The following SLC38A9 variants were observed in gnomAD, a reference collection of about 807,000 sequenced individuals.
SLC38A9 encodes solute carrier family 38 member 9, also known as neutral amino acid transporter 9.
In SLC38A9, 48 loss-of-function variants were observed where a neutral mutation model predicts 62.3. The ratio of observed to expected loss-of-function variants is 0.77; its 90% CI spans 0.61 to 0.98. SLC38A9 has a LOEUF of 0.98. SLC38A9 is among the 50% of genes least tolerant of loss of function. The pLI, the probability that SLC38A9 is intolerant of heterozygous loss-of-function variation, is 0.00. For synonymous variants in SLC38A9, 204 were observed against 227.7 expected (o/e 0.90, Z 0.94); for missense variants, 541 against 679.8 (o/e 0.80, Z 2.27).
In SLC38A9 at chr5:55,672,662, A is replaced by G. The variant is rs376773305; in HGVS notation, c.147T>C (p.Asn49=). Residue 49 remains asparagine, a synonymous_variant, in exon 4 of 16, where the codon AAT becomes AAC. Coordinates refer to ENST00000396865, the MANE Select transcript of SLC38A9 (RefSeq NM_173514.4). The stretch of plus-strand genomic sequence containing the variant: ...TAACCCTCTGAATGACATGATTCAC[A>G]TTCACGATGTTTGTGGGCTCTATAC... ...PFCIEPTNIV[N]VNHVIQRVSD... 1.2e-6 allele frequency: 2 copies of G among 1,614,040 alleles called. No individual in the cohort carries two copies. The highest frequency in any genetic ancestry group is 2.7e-5 in the African/African-American group (2 of 74,930).
At chr5:55,659,728 A>T (rs35385158) in intron 8 of SLC38A9, among the ~76,000 whole-genome samples, 91,080 of 151,788 alleles carry the variant, frequency 0.6, 27,905 homozygotes, top group South Asian at 0.7. Context: ...ATTATTTAAA[A>T]AGGAAACACA....
intron 7 of SLC38A9, among the ~76,000 whole-genome samples, chr5:55,668,155 G>C (rs1275263824): frequency 6.7e-6 from 1 of 150,258 alleles, no homozygotes; most frequent in African/African-American, 2.4e-5. Context: ...CTGGGTGACA[G>C]TGAGATCCTG....
At chr5:55,639,272 T>TAAAAAAAAAAA (rs753043231) in intron 12 of SLC38A9, among the ~76,000 whole-genome samples, 1 of 54,642 alleles carries the variant, frequency 1.8e-5, no homozygotes, top group Non-Finnish European at 3.7e-5. Flanking sequence ...AAACTCTGTC[T>TAAAAAAAAAAA]AAAAAAAAAA....
At chr5:55,701,387 TA>T (rs1756625840) in intron 2 of SLC38A9, among the ~76,000 whole-genome samples, 1 of 152,218 alleles carries the variant, frequency 6.6e-6, no homozygotes, top group Non-Finnish European at 1.5e-5. Flanking sequence ...TTTCAGTTGA[TA>T]AAATCTCTTT....
intron 3 of SLC38A9, among the ~76,000 whole-genome samples, chr5:55,688,840 G>T (rs1754334265): frequency 6.6e-6 from 1 of 152,136 alleles, no homozygotes; most frequent in African/African-American, 2.4e-5. Context: ...TAATGAAATT[G>T]TATTTTAACA....
In SLC38A9 at chr5:55,634,658, A is replaced by C. The variant is rs532992418; in HGVS notation, c.1282-756T>G. On this transcript the variant is annotated intron_variant, in intron 13 of 15. Coordinates refer to ENST00000396865, the MANE Select transcript of SLC38A9 (RefSeq NM_173514.4). The stretch of plus-strand genomic sequence containing the variant: ...TCAAGGAAATCAAGAAAATAAGAAC[A>C]TTTCCAAGCTGCCATAATAGCAGTA... 4.6e-5 allele frequency: 7 copies of C among 152,306 alleles called. No homozygotes were observed. In the East Asian group the frequency reaches 9.6e-4, roughly 21 times the overall value. 9.4% of individuals were successfully genotyped at this position (152,306 alleles called of 1,614,324 possible).
At chr5:55,647,450 A>G (rs35553421) in intron 11 of SLC38A9, among the ~76,000 whole-genome samples, 90,440 of 151,998 alleles carry the variant, frequency 0.6, 27,581 homozygotes, top group South Asian at 0.7. Flanking sequence ...AAGTCCACTG[A>G]CTCTGCTATA....
chr5:55,662,847 T>G (rs11739411), intron 8 of SLC38A9, among the ~76,000 whole-genome samples: 37,822 of 151,748 alleles, frequency 0.25, 5,842 homozygotes, highest in South Asian at 0.41. Flanking sequence ...AATATTTTCT[T>G]TTTATAGGAA....
intron 7 of SLC38A9, among the ~76,000 whole-genome samples, chr5:55,666,417 T>C (rs1346226336): frequency 6.6e-6 from 1 of 152,214 alleles, no homozygotes; most frequent in Non-Finnish European, 1.5e-5. Context: ...ATCCCATGCT[T>C]TGAACTACTT....
intron 2 of SLC38A9, among the ~76,000 whole-genome samples, chr5:55,700,873 T>C (rs931796499): frequency 6.6e-6 from 1 of 152,190 alleles, no homozygotes; most frequent in Non-Finnish European, 1.5e-5. Context: ...TCCCTCCTCC[T>C]TCTCTGTCTC....
chr5:55,636,398 G>A (rs1253945980), intron 12 of SLC38A9, among the ~76,000 whole-genome samples: 1 of 152,198 alleles, frequency 6.6e-6, no homozygotes, highest in Non-Finnish European at 1.5e-5. Flanking sequence ...GTAGCCAGCT[G>A]TCAGATCCAA....
intron 10 of SLC38A9, among the ~76,000 whole-genome samples, chr5:55,650,101 T>C (rs1747119784): frequency 1.3e-5 from 2 of 152,038 alleles, no homozygotes; most frequent in African/African-American, 4.8e-5. Context: ...ATCAAAAGCA[T>C]ATTTGAGAAA....
intron 2 of SLC38A9, among the ~76,000 whole-genome samples, chr5:55,698,642 T>G (rs1580420883): frequency 1.3e-5 from 2 of 152,344 alleles, no homozygotes; most frequent in South Asian, 4.1e-4. Flanking sequence ...GAAGTCTTCT[T>G]AAAATGGACC....
At chr5:55,704,571 A>C (rs7702140) in intron 2 of SLC38A9, 1 of 25,440 alleles carries the variant, frequency 3.9e-5, no homozygotes, top group South Asian at 2.2e-3. Context: ...TAAAATTTTT[A>C]TATTGTAGGG....
chr5:55,669,009 T>C (rs1580264853), intron 7 of SLC38A9: 1 of 327,038 alleles, frequency 3.1e-6, no homozygotes, highest in African/African-American at 2.2e-5. Flanking sequence ...CCAAAGTGAA[T>C]GCACTCTGCA....
intron 12 of SLC38A9, among the ~76,000 whole-genome samples, chr5:55,637,760 A>G (rs1432335229): frequency 6.6e-6 from 1 of 152,234 alleles, no homozygotes; most frequent in African/African-American, 2.4e-5. Context: ...TTTAATCCTC[A>G]TTGCAACCTT....
chr5:55,686,888 C>T (rs1753899821), intron 3 of SLC38A9, among the ~76,000 whole-genome samples: 1 of 152,062 alleles, frequency 6.6e-6, no homozygotes, highest in African/African-American at 2.4e-5. Flanking sequence ...TTCCCCATTG[C>T]TTGTTTTTGT....
At position 55,697,669 on chromosome 5, in the gene SLC38A9, A is replaced by T. The variant is rs911834752; in HGVS notation, c.113+177T>A. Reference sequence around the variant, plus strand: ...TGAGTTTAGTGAAAAAAAAAAAAAAAAAAAAATATAAACCAGTAAATAGTA... The same window carrying T: ...TGAGTTTAGTGAAAAAAAAAAAAAATAAAAAATATAAACCAGTAAATAGTA... On this transcript the variant is annotated intron_variant, in intron 3 of 15. Transcript: ENST00000396865. 1.0e-3 allele frequency among the ~76,000 whole-genome samples: 157 copies of T among 150,004 alleles called. 2 individuals are homozygous for T. In the South Asian group the frequency reaches 0.015, roughly 14 times the overall value.
At position 55,644,888 on chromosome 5, in the gene SLC38A9, C is replaced by G. The variant is rs185808568; in HGVS notation, c.1167+901G>C. On this transcript the variant is annotated intron_variant, in intron 12 of 15. Transcript: ENST00000396865. The stretch of plus-strand genomic sequence containing the variant: ...CCCACTCCCCCCACCCCACAACAGT[C>G]CCCAGAGTGTGATGTTCCCCTTCCT... 7.7e-3 allele frequency among the ~76,000 whole-genome samples: 1,159 copies of G among 151,460 alleles called. 11 individuals carry two copies. Among genetic ancestry groups the G allele is most frequent in the African/African-American group, 0.026 (1,060 of 41,284 alleles).
Sources: allele counts gnomAD v4.1 joint callset (sites outside exome capture counted in the v4.1 genomes callset), GRCh38; gene constraint gnomAD v4.1.1; transcripts MANE v1.5; gene names NCBI Gene and HGNC (gene_info 2026-07-23, HGNC 2026-07-21).